Variants in DOCK2 observed in about 807,000 individuals in gnomAD.
The protein encoded by DOCK2 is dedicator of cytokinesis 2.
A neutral mutation model predicts 248.9 loss-of-function variants in DOCK2; 87 were observed. The ratio of observed to expected loss-of-function variants is 0.35; its 90% CI spans 0.29 to 0.42. The LOEUF is 0.42. Among genes scored for constraint, DOCK2 ranks in the 10% least tolerant of loss-of-function variants. The pLI is 1.00. For missense variants in DOCK2, 1,747 were observed against 2,300.2 expected (o/e 0.76, Z 4.92); for synonymous variants, 805 against 821.6 (o/e 0.98, Z 0.35).
At chr5:169,934,152 A>G (rs979389925) in intron 27 of DOCK2, among the ~76,000 whole-genome samples, 10 of 152,098 alleles carry the variant, frequency 6.6e-5, no homozygotes, top group Admixed American at 5.2e-4. Flanking sequence ...AGTGTTCCCA[A>G]TTAGGGGTTG....
chr5:169,969,897 A>T (rs1347201942), intron 27 of DOCK2, among the ~76,000 whole-genome samples: 2 of 152,246 alleles, frequency 1.3e-5, no homozygotes, highest in Non-Finnish European at 2.9e-5. Flanking sequence ...TCCAAGAGAA[A>T]CTGAATATCC....
chr5:169,676,272 T>A (rs1051006357), intron 6 of DOCK2, among the ~76,000 whole-genome samples: 1 of 152,160 alleles, frequency 6.6e-6, no homozygotes, highest in Non-Finnish European at 1.5e-5. Flanking sequence ...CTATAGATGT[T>A]GACTGTCTAA....
intron 34 of DOCK2, among the ~76,000 whole-genome samples, chr5:170,030,450 G>A (rs906712326): frequency 6.6e-6 from 1 of 152,150 alleles, no homozygotes; most frequent in South Asian, 2.1e-4. Context: ...AGCCCTTAGA[G>A]TTTTTGTTGG....
chr5:169,637,466 G>C, intron 1 of DOCK2, 97 bp downstream of exon 1: 3 of 1,256,670 alleles, frequency 2.4e-6, no homozygotes, highest in Non-Finnish European at 3.0e-6. Flanking sequence ...GGGGTGGGCA[G>C]GGCGCGCTGC....
At chr5:169,865,943 G>A (rs1272279010) in intron 27 of DOCK2, among the ~76,000 whole-genome samples, 1 of 152,224 alleles carries the variant, frequency 6.6e-6, no homozygotes, top group East Asian at 1.9e-4. Context: ...AAGGCATGTT[G>A]CCGTTGCCAT....
intron 3 of DOCK2, among the ~76,000 whole-genome samples, chr5:169,669,858 T>C (rs1415529995): frequency 6.6e-6 from 1 of 152,230 alleles, no homozygotes; most frequent in East Asian, 1.9e-4. Flanking sequence ...AGTATGCACA[T>C]TGGTTGCATT....
At chr5:169,803,355 C>G in intron 26 of DOCK2, 149 bp downstream of exon 26, 13 of 1,017,780 alleles carry the variant, frequency 1.3e-5, no homozygotes, top group Non-Finnish European at 1.8e-5. Flanking sequence ...CTGTGACTAA[C>G]CCCCATTGCT....
At chr5:169,853,705 T>C (rs956176436) in intron 27 of DOCK2, among the ~76,000 whole-genome samples, 2 of 151,896 alleles carry the variant, frequency 1.3e-5, no homozygotes, top group Admixed American at 6.6e-5. Flanking sequence ...AGGCTCACAT[T>C]GTGTTAGCAT....
chr5:169,958,671 G>A (rs1437469720), intron 27 of DOCK2, among the ~76,000 whole-genome samples: 3 of 151,980 alleles, frequency 2.0e-5, no homozygotes, highest in African/African-American at 4.8e-5. Flanking sequence ...AGTGTTAGGC[G>A]TGGAGCTCTC....
At chr5:169,903,690 TACTCGG>T (rs1017687826) in intron 27 of DOCK2, among the ~76,000 whole-genome samples, 12 of 151,974 alleles carry the variant, frequency 7.9e-5, no homozygotes, top group African/African-American at 2.7e-4. Context: ...GGGTCGAACT[TACTCGG>T]GGCAGGGGGA....
chr5:169,983,205 C>T (rs775090378), intron 28 of DOCK2, 39 bp downstream of exon 28: 1 of 1,600,956 alleles, frequency 6.2e-7, no homozygotes, highest in Admixed American at 1.7e-5. Context: ...AAGAACTCTT[C>T]CATCTCTGGA....
intron 27 of DOCK2, among the ~76,000 whole-genome samples, chr5:169,932,867 A>AG (rs1163411669): frequency 2.6e-5 from 4 of 151,738 alleles, no homozygotes; most frequent in Non-Finnish European, 5.9e-5. Context: ...GGGCCAAATA[A>AG]AAAAAAATAA....
chr5:169,753,521 G>A (rs1764022869), intron 23 of DOCK2, among the ~76,000 whole-genome samples: 1 of 152,168 alleles, frequency 6.6e-6, no homozygotes, highest in African/African-American at 2.4e-5. Context: ...GGAAAATGAG[G>A]CTTAAAGAGG....
At chr5:170,013,025 T>C (rs779185647) in intron 32 of DOCK2, among the ~76,000 whole-genome samples, 1 of 151,738 alleles carries the variant, frequency 6.6e-6, no homozygotes, top group African/African-American at 2.4e-5. Context: ...CAAAGTGAAA[T>C]GTGTAGTGGG....
intron 25 of DOCK2, among the ~76,000 whole-genome samples, chr5:169,771,076 G>A (rs2625384): frequency 0.17 from 26,199 of 152,140 alleles, 3,059 homozygotes; most frequent in Admixed American, 0.33. Flanking sequence ...CAGCAATGCC[G>A]AAGTGGACCT....
intron 32 of DOCK2, among the ~76,000 whole-genome samples, chr5:170,016,545 C>G (rs1234643261): frequency 6.6e-6 from 1 of 152,232 alleles, no homozygotes; most frequent in African/African-American, 2.4e-5. Flanking sequence ...ATCACCATCT[C>G]TCTCTCCGCT....
At chr5:169,685,332 A>AT (rs1283183338) in intron 8 of DOCK2, among the ~76,000 whole-genome samples, 1 of 152,154 alleles carries the variant, frequency 6.6e-6, no homozygotes, top group Non-Finnish European at 1.5e-5. Flanking sequence ...ACTCTTGGGA[A>AT]TCTCCAGGGA....
intron 8 of DOCK2, 114 bp downstream of exon 8, chr5:169,684,464 C>T (rs1435233328): frequency 2.2e-6 from 3 of 1,347,444 alleles, no homozygotes; most frequent in Admixed American, 2.2e-5. Context: ...GAGACTGCAC[C>T]TGAGTGAGAA....
In DOCK2 at chr5:170,027,952, A is replaced by G; in HGVS notation, c.3467+4A>G. 6.2e-7 allele frequency: 1 copy of G among 1,611,370 alleles called. No individual in the cohort carries two copies. Among genetic ancestry groups the G allele is most frequent in the Middle Eastern group, 1.7e-4 (1 of 6,042 alleles). On this transcript the variant is annotated splice_donor_region_variant and intron_variant, in intron 34 of 51. Transcript: ENST00000520908. ...ACATGCAGCTCCTGGAGTCAATGTA[A>G]GTTCAGTGCCCTGTGTGTAGGAACA...
Sources: allele counts gnomAD v4.1 joint callset (sites outside exome capture counted in the v4.1 genomes callset), GRCh38; gene constraint gnomAD v4.1.1; transcripts MANE v1.5; gene names NCBI Gene and HGNC (gene_info 2026-07-23, HGNC 2026-07-21).